TMEM161B: variants seen among roughly 807,000 people sequenced by gnomAD.
TMEM161B encodes transmembrane protein 161B.
TMEM161B carries 34 observed loss-of-function variants against 61.8 expected under a neutral mutation model. That is an observed-to-expected ratio of 0.55 (90% CI 0.42 to 0.73). The LOEUF (loss-of-function observed/expected upper bound fraction) is 0.73. TMEM161B is among the 30% of genes least tolerant of loss of function. The pLI, the probability that TMEM161B is intolerant of heterozygous loss-of-function variation, is 0.00. For synonymous variants in TMEM161B, 167 were observed against 192.8 expected (o/e 0.87, Z 1.11); for missense variants, 456 against 558.5 (o/e 0.82, Z 1.85).
intron 4 of TMEM161B, among the ~76,000 whole-genome samples, chr5:88,225,338 TGGGGGGTAAA>T (rs1348738796): frequency 2.6e-5 from 4 of 152,108 alleles, no homozygotes; most frequent in Admixed American, 6.5e-5. Flanking sequence ...AGTTAGGTTA[TGGGGGGTAAA>T]AAGTCATACG....
chr5:88,223,100 C>T (rs1355568645), intron 4 of TMEM161B, among the ~76,000 whole-genome samples: 1 of 150,226 alleles, frequency 6.7e-6, no homozygotes, highest in African/African-American at 2.4e-5. Context: ...ACTCCATAAA[C>T]TACATGCTAA....
intron 8 of TMEM161B, among the ~76,000 whole-genome samples, chr5:88,204,815 G>T (rs1052049076): frequency 6.6e-6 from 1 of 150,468 alleles, no homozygotes; most frequent in Non-Finnish European, 1.5e-5. Flanking sequence ...GTAAACACAT[G>T]TACAAAGCTT....
chr5:88,186,903 A>AAACAACAAC (rs34811188), downstream of TMEM161B, among the ~76,000 whole-genome samples: 47 of 150,916 alleles, frequency 3.1e-4, 1 homozygote, highest in South Asian at 7.3e-3. Flanking sequence ...ACTCTGTCTC[A>AAACAACAAC]AACAACAACA....
chr5:88,195,795 T>A lies in TMEM161B; in HGVS notation c.*416A>T. The stretch of plus-strand genomic sequence containing the variant: ...TAGCCCCTTTCCCTCCCCTAAAGCA[T>A]GGCTCAGTTTGAAGATTGTTCTATA... On this transcript the variant is annotated 3_prime_UTR_variant, in exon 12 of 12. Coordinates refer to ENST00000296595, the MANE Select transcript of TMEM161B (RefSeq NM_153354.5). 3 of 990,192 alleles carry A rather than the reference T, an allele frequency of 3.0e-6. No homozygotes were observed. Among genetic ancestry groups the A allele is most frequent in the Middle Eastern group, 5.2e-4 (1 of 1,926 alleles). The allele number at this position is 990,192 out of a possible 1,614,324, so 61.3% of individuals were successfully genotyped here. A position where few individuals can be genotyped will look rare whatever the true frequency, so the allele number is the denominator to read the frequency against.
rs749755420 is a variant in TMEM161B at position 88,211,310 on chromosome 5, A to G, written c.447-4130T>C. On this transcript the variant is annotated intron_variant, in intron 5 of 11. Transcript: ENST00000296595. Reference sequence around the variant, plus strand: ...AGATATTTATAAACATAGGATATGCATATTTCATAAAGCTAGACAAAGATG... The same window carrying G: ...AGATATTTATAAACATAGGATATGCGTATTTCATAAAGCTAGACAAAGATG... Among the ~76,000 whole-genome samples the G allele has an allele frequency of 1.9e-4, 29 of 152,120 alleles. 1 individual carries two copies. Among genetic ancestry groups the G allele is most frequent in the Non-Finnish European group, 1.0e-4 (7 of 68,026 alleles).
downstream of TMEM161B, among the ~76,000 whole-genome samples, chr5:88,193,526 A>G (rs1238903788): frequency 1.3e-5 from 2 of 152,238 alleles, no homozygotes; most frequent in East Asian, 3.9e-4. Context: ...TTGAAAGGCT[A>G]AAAAAACTAA....
intron 4 of TMEM161B, among the ~76,000 whole-genome samples, chr5:88,222,133 A>T (rs1749115590): frequency 6.6e-6 from 1 of 152,166 alleles, no homozygotes; most frequent in Admixed American, 6.5e-5. Flanking sequence ...CAGTGGTGTG[A>T]TCATAGCTCA....
chr5:88,206,508 GAAAA>G lies in TMEM161B; in HGVS notation c.599-13_599-10del. ...TGAAAAATTTGTAAACCCTGTGGGGGAAAAAAAAAAAAACAACAGATTACTCTTA... is the reference window on the plus strand; with the variant it reads ...TGAAAAATTTGTAAACCCTGTGGGGGAAAAAAAAACAACAGATTACTCTTA... On this transcript the variant is annotated splice_polypyrimidine_tract_variant and intron_variant, in intron 6 of 11. Transcript: ENST00000296595. The G allele has an allele frequency of 7.6e-7, 1 of 1,307,886 alleles. No homozygotes were observed. The highest frequency in any genetic ancestry group is 1.0e-6 in the Non-Finnish European group (1 of 962,762). The allele number at this position is 1,307,886 out of a possible 1,614,324, so 81.0% of individuals were successfully genotyped here.
downstream of TMEM161B, among the ~76,000 whole-genome samples, chr5:88,185,579 C>T (rs899083422): frequency 6.6e-6 from 1 of 152,026 alleles, no homozygotes; most frequent in Non-Finnish European, 1.5e-5. Context: ...ATTGAATCTG[C>T]TATTATAACT....
intron 7 of TMEM161B, 21 bp downstream of exon 7, chr5:88,206,418 C>T: frequency 6.4e-7 from 1 of 1,564,678 alleles, no homozygotes; most frequent in Non-Finnish European, 8.7e-7. Flanking sequence ...TTAAATAATG[C>T]TTAATTTTTC....
chr5:88,207,294 G>C, intron 5 of TMEM161B, 114 bp from the exon 6 acceptor site: 1 of 1,010,706 alleles, frequency 9.9e-7, no homozygotes, highest in Admixed American at 3.1e-5. Context: ...TTTCCAAGTG[G>C]AGTTTAAAAC....
chr5:88,248,740 C>G (rs922852280), intron 1 of TMEM161B, among the ~76,000 whole-genome samples: 4 of 150,814 alleles, frequency 2.7e-5, no homozygotes, highest in African/African-American at 9.7e-5. Context: ...AACAACTTTT[C>G]CTCAAAAAAA....
intron 5 of TMEM161B, among the ~76,000 whole-genome samples, chr5:88,212,863 G>A (rs1319722990): frequency 1.3e-5 from 2 of 152,116 alleles, no homozygotes; most frequent in East Asian, 1.9e-4. Flanking sequence ...ATTCCAAGAA[G>A]AAATATTTTG....
chr5:88,233,110 T>C (rs1751286533), intron 2 of TMEM161B, among the ~76,000 whole-genome samples: 1 of 152,208 alleles, frequency 6.6e-6, no homozygotes, highest in Non-Finnish European at 1.5e-5. Context: ...AGGGAGAACC[T>C]TCTGTATTCA....
At chr5:88,221,849 A>ATTTT (rs1037382806) in intron 4 of TMEM161B, 1 of 420,500 alleles carries the variant, frequency 2.4e-6, no homozygotes, top group African/African-American at 2.0e-5. Context: ...GCTTTGGACA[A>ATTTT]TTTTTAGTCA....
chr5:88,249,364 C>T (rs754756976), intron 1 of TMEM161B, among the ~76,000 whole-genome samples: 2 of 152,152 alleles, frequency 1.3e-5, no homozygotes, highest in Non-Finnish European at 2.9e-5. Flanking sequence ...CAGAAGGAGC[C>T]TAGCACAGTC....
intron 5 of TMEM161B, among the ~76,000 whole-genome samples, chr5:88,212,558 C>A (rs948869000): frequency 1.3e-5 from 2 of 152,086 alleles, no homozygotes; most frequent in Admixed American, 1.3e-4. Context: ...CTGGGTCCAG[C>A]GGCTCACACC....
chr5:88,255,873 A>G (rs1754923760), intron 1 of TMEM161B, among the ~76,000 whole-genome samples: 1 of 152,106 alleles, frequency 6.6e-6, no homozygotes, highest in Non-Finnish European at 1.5e-5. Flanking sequence ...GCCTAGATAC[A>G]TTCTAAATTT....
intron 5 of TMEM161B, among the ~76,000 whole-genome samples, chr5:88,218,481 A>C (rs1456821680): frequency 6.6e-6 from 1 of 152,208 alleles, no homozygotes; most frequent in Non-Finnish European, 1.5e-5. Context: ...AGAGAAAAAA[A>C]CAGAACTTTA....
Sources: gnomAD v4.1 joint callset for allele counts (sites outside exome capture counted in the v4.1 genomes callset) on GRCh38, gnomAD v4.1.1 for gene constraint, MANE v1.5 for transcripts, NCBI Gene and HGNC (gene_info 2026-07-23, HGNC 2026-07-21) for gene names.